The following DLGAP1 variants were observed in gnomAD, a reference collection of about 807,000 sequenced individuals.
DLGAP1 encodes DLG associated protein 1.
Under a neutral mutation model 90.8 loss-of-function variants are expected in DLGAP1, and 11 were observed. The ratio of observed to expected loss-of-function variants is 0.12; its 90% confidence interval spans 0.08 to 0.20. The LOEUF (loss-of-function observed/expected upper bound fraction) is 0.20. DLGAP1 is among the 10% of genes least tolerant of loss of function. The pLI, the probability that DLGAP1 is intolerant of heterozygous loss-of-function variation, is 1.00. For missense variants in DLGAP1, 1,050 were observed against 1,333.8 expected (o/e 0.79, Z 3.31); for synonymous variants, 558 against 540.7 (o/e 1.03, Z -0.44).
At position 4,263,156 on chromosome 18, in the gene DLGAP1, T is replaced by A. The variant is rs373241665; in HGVS notation, c.-266-111869A>T. ...TTCATGTTGGCCAGGATGGTCTCAA[T>A]CTCTTGACCTCGTGATCTGCCCATC... On this transcript the variant is annotated intron_variant, in intron 1 of 12. Transcript: ENST00000315677. Among the ~76,000 whole-genome samples the A allele has an allele frequency of 1.1e-4, 16 of 152,238 alleles. No homozygotes were observed. The South Asian group carries it at 2.9e-3, about 28-fold the overall frequency.
intron 1 of DLGAP1, among the ~76,000 whole-genome samples, chr18:4,398,900 C>T (rs529752934): frequency 1.3e-5 from 2 of 152,264 alleles, no homozygotes; most frequent in South Asian, 2.1e-4. Context: ...GGCGTGATCT[C>T]GGCTAACTGC....
intron 7 of DLGAP1, among the ~76,000 whole-genome samples, chr18:3,677,663 T>TC (rs2060355880): frequency 6.6e-6 from 1 of 152,222 alleles, no homozygotes; most frequent in Non-Finnish European, 1.5e-5. Flanking sequence ...TTTTCTTTTT[T>TC]CTTTTTTTTA....
chr18:4,306,104 G>C (rs1388503653), intron 1 of DLGAP1, among the ~76,000 whole-genome samples: 1 of 151,212 alleles, frequency 6.6e-6, no homozygotes, highest in African/African-American at 2.4e-5. Flanking sequence ...GAGAGAGAGG[G>C]AGAGAAATTA....
Position 3,498,270 on chromosome 18 carries a change from C to T in DLGAP1, c.*915G>A, listed in dbSNP as rs202106304. ...CCAACACTTTCCCTTTAAAAACAGCCGCCACGACAACAATATAAATATACA... is the reference window on the plus strand; with the variant it reads ...CCAACACTTTCCCTTTAAAAACAGCTGCCACGACAACAATATAAATATACA... On this transcript the variant is annotated 3_prime_UTR_variant, in exon 13 of 13. Transcript: ENST00000315677. 4 of 152,056 alleles carry T rather than the reference C, an allele frequency of 2.6e-5. No individual in the cohort carries two copies. Among genetic ancestry groups the T allele is most frequent in the East Asian group, 3.9e-4 (2 of 5,194 alleles). The allele number at this position is 152,056 out of a possible 1,614,324, so 9.4% of individuals were successfully genotyped here.
chr18:3,717,158 G>A (rs2061793676), intron 7 of DLGAP1, among the ~76,000 whole-genome samples: 1 of 147,420 alleles, frequency 6.8e-6, no homozygotes, highest in African/African-American at 2.5e-5. Flanking sequence ...AAGAAAACTA[G>A]AAAAAAATAG....
chr18:4,033,972 C>T (rs1006060931), intron 2 of DLGAP1, among the ~76,000 whole-genome samples: 25 of 150,708 alleles, frequency 1.7e-4, no homozygotes, highest in African/African-American at 3.4e-4. Flanking sequence ...CTCCGGACCT[C>T]GTGATCTGCC....
intron 2 of DLGAP1, among the ~76,000 whole-genome samples, chr18:4,101,472 AAATAT>A (rs2075777292): frequency 6.6e-6 from 1 of 152,190 alleles, no homozygotes; most frequent in African/African-American, 2.4e-5. Context: ...AAAAAGTTGA[AAATAT>A]AATTGTGAGA....
chr18:3,855,295 G>C (rs748446636), intron 4 of DLGAP1, among the ~76,000 whole-genome samples: 1 of 152,120 alleles, frequency 6.6e-6, no homozygotes, highest in East Asian at 1.9e-4. Flanking sequence ...TGGAGGGAGG[G>C]AGGAAGGTGA....
chr18:4,414,109 G>T (rs1333868402), intron 1 of DLGAP1, among the ~76,000 whole-genome samples: 1 of 152,118 alleles, frequency 6.6e-6, no homozygotes, highest in African/African-American at 2.4e-5. Flanking sequence ...CATCTCCAAT[G>T]TGAATGAAAA....
At chr18:3,855,881 GATTACAGGCGTGAGCCACCACGCCTGGC>G (rs2148708530) in intron 4 of DLGAP1, among the ~76,000 whole-genome samples, 1 of 152,332 alleles carries the variant, frequency 6.6e-6, no homozygotes, top group South Asian at 2.1e-4. Context: ...AAAGTGCTGG[GATTACAGGCGTGAGCCACCACGCCTGGC>G]CAAAAAATTT....
intron 1 of DLGAP1, among the ~76,000 whole-genome samples, chr18:4,221,792 A>T (rs1353528534): frequency 2.6e-5 from 4 of 152,022 alleles, no homozygotes; most frequent in African/African-American, 4.8e-5. Flanking sequence ...TTACTACTCA[A>T]CCTGCTTAAA....
intron 2 of DLGAP1, among the ~76,000 whole-genome samples, chr18:4,066,743 T>C (rs1203346683): frequency 6.6e-6 from 1 of 152,036 alleles, no homozygotes; most frequent in East Asian, 1.9e-4. Context: ...TAAATTAATG[T>C]AGCCATTGTG....
intron 2 of DLGAP1, among the ~76,000 whole-genome samples, chr18:4,062,612 T>C (rs1279745784): frequency 2.0e-5 from 3 of 152,170 alleles, no homozygotes; most frequent in Non-Finnish European, 2.9e-5. Context: ...GAAACTTATA[T>C]GGCAAATAAT....
chr18:4,028,734 C>G (rs2074744700), intron 2 of DLGAP1, among the ~76,000 whole-genome samples: 2 of 150,526 alleles, frequency 1.3e-5, no homozygotes, highest in South Asian at 2.1e-4. Context: ...ATTACATTTT[C>G]CAGACTACTG....
chr18:4,025,289 C>T (rs912141406), intron 2 of DLGAP1, among the ~76,000 whole-genome samples: 3 of 150,920 alleles, frequency 2.0e-5, no homozygotes, highest in African/African-American at 2.5e-5. Context: ...TATCCCAAAT[C>T]CAAAAATCTG....
intron 1 of DLGAP1, among the ~76,000 whole-genome samples, chr18:4,322,215 AAAAG>A (rs148448581): frequency 0.02 from 3,106 of 152,138 alleles, 62 homozygotes; most frequent in South Asian, 0.076. Context: ...AAAAGAAAAA[AAAAG>A]AAAGAAAGAA....
At chr18:4,185,634 A>T (rs968323706) in intron 1 of DLGAP1, among the ~76,000 whole-genome samples, 1 of 152,062 alleles carries the variant, frequency 6.6e-6, no homozygotes, top group African/African-American at 2.4e-5. Flanking sequence ...CATGTACCAC[A>T]TTTTGGACAT....
At position 4,099,050 on chromosome 18, in the gene DLGAP1, A is replaced by T. The variant is rs2075729909; in HGVS notation, c.-159+52130T>A. 2.6e-5 allele frequency among the ~76,000 whole-genome samples: 4 copies of T among 152,294 alleles called. No individual in the cohort carries two copies. In the South Asian group the frequency reaches 8.3e-4, roughly 32 times the overall value. On this transcript the variant is annotated intron_variant, in intron 2 of 12. Coordinates refer to ENST00000315677, the MANE Select transcript of DLGAP1 (RefSeq NM_004746.4). ...TCAATTCCTCTAAGCTGCATTTCCC[A>T]TCCATACCTTGACCTCCCAGGCTCA...
intron 10 of DLGAP1, among the ~76,000 whole-genome samples, chr18:3,516,585 C>G (rs866321781): frequency 4.6e-5 from 7 of 152,110 alleles, no homozygotes; most frequent in South Asian, 4.1e-4. Flanking sequence ...AAAGACATAC[C>G]TGAGACTAGG....
Sources: gnomAD v4.1 joint callset for allele counts (sites outside exome capture counted in the v4.1 genomes callset) on GRCh38, gnomAD v4.1.1 for gene constraint, MANE v1.5 for transcripts, NCBI Gene and HGNC (gene_info 2026-07-23, HGNC 2026-07-21) for gene names.